The following SMURF2 variants were observed in gnomAD, a reference collection of about 807,000 sequenced individuals.
The protein encoded by SMURF2 is E3 ubiquitin-protein ligase SMURF2.
A neutral mutation model predicts 109.6 loss-of-function variants in SMURF2; 48 were observed. The observed-to-expected ratio is 0.44, with a 90% CI of 0.35 to 0.56. The LOEUF (loss-of-function observed/expected upper bound fraction) is 0.56, where lower values mean the gene tolerates loss of function less well. Among genes scored for constraint, SMURF2 ranks in the 20% least tolerant of loss-of-function variants. The pLI is 0.01. For synonymous variants in SMURF2, 288 were observed against 317.1 expected, an observed-to-expected ratio of 0.91 and a Z score of 0.97; for missense variants, 575 against 909.0, an observed-to-expected ratio of 0.63 and a Z score of 4.72.
chr17:64,638,062 CTTTTT>C (rs1195172818), intron 1 of SMURF2, among the ~76,000 whole-genome samples: 1 of 102,422 alleles, frequency 9.8e-6, no homozygotes, highest in African/African-American at 4.1e-5. Flanking sequence ...TTTCCTTTTT[CTTTTT>C]TTTTTTTTTT....
At chr17:64,587,694 A>G (rs752564721) in intron 5 of SMURF2, among the ~76,000 whole-genome samples, 9 of 152,204 alleles carry the variant, frequency 5.9e-5, no homozygotes, top group Non-Finnish European at 8.8e-5. Flanking sequence ...GAGCTCCTTG[A>G]TATTAAGTCC....
At chr17:64,565,473 T>C (rs1555684867) in intron 10 of SMURF2, among the ~76,000 whole-genome samples, 1 of 152,198 alleles carries the variant, frequency 6.6e-6, no homozygotes, top group Non-Finnish European at 1.5e-5. Context: ...ACTCAAATTG[T>C]AATCCCCTTG....
chr17:64,607,708 T>C (rs923192737), intron 1 of SMURF2, among the ~76,000 whole-genome samples: 1 of 150,888 alleles, frequency 6.6e-6, no homozygotes, highest in Non-Finnish European at 1.5e-5. Flanking sequence ...CAGTGGCTCA[T>C]GTCTGTAATC....
intron 1 of SMURF2, among the ~76,000 whole-genome samples, chr17:64,646,375 T>C (rs1399292556): frequency 1.3e-5 from 2 of 148,682 alleles, no homozygotes; most frequent in African/African-American, 5.0e-5. Flanking sequence ...CTTTTTTTTT[T>C]TCTTTCTTTT....
intron 5 of SMURF2, among the ~76,000 whole-genome samples, chr17:64,588,879 TC>T (rs1194202380): frequency 6.6e-6 from 1 of 152,160 alleles, no homozygotes; most frequent in Non-Finnish European, 1.5e-5. Context: ...CACCTTGGCC[TC>T]CCAAAGTGCT....
intron 1 of SMURF2, among the ~76,000 whole-genome samples, chr17:64,622,114 AAGC>A (rs1425705331): frequency 6.6e-6 from 1 of 150,654 alleles, no homozygotes; most frequent in African/African-American, 2.4e-5. Context: ...TAAAAATAAA[AAGC>A]AGTATAATTT....
intron 3 of SMURF2, among the ~76,000 whole-genome samples, chr17:64,594,715 G>A (rs1471321487): frequency 1.3e-5 from 2 of 152,118 alleles, no homozygotes; most frequent in African/African-American, 4.8e-5. Flanking sequence ...GGCCGGGCGC[G>A]GTGGCTCACG....
chr17:64,559,840 T>C (rs1217739532), intron 12 of SMURF2, among the ~76,000 whole-genome samples: 2 of 151,176 alleles, frequency 1.3e-5, no homozygotes, highest in Admixed American at 6.6e-5. Flanking sequence ...CTTTGCCTCC[T>C]GGGTTCAAGT....
At position 64,602,710 on chromosome 17, in the gene SMURF2, C is replaced by T. The variant is rs144850406; in HGVS notation, c.91+3892G>A. ...TTGGGAGGCCGAAGTGGGTGGATCA[C>T]GAGGTCACGAGTTCAAGACCATCCT... On this transcript the variant is annotated intron_variant, in intron 2 of 18. Coordinates refer to ENST00000262435, the MANE Select transcript of SMURF2 (RefSeq NM_022739.4). Among the ~76,000 whole-genome samples, 345 of 152,170 alleles carry T rather than the reference C, an allele frequency of 2.3e-3. 2 individuals are homozygous for T. Among genetic ancestry groups the T allele is most frequent in the Non-Finnish European group, 4.0e-3 (269 of 67,990 alleles).
At chr17:64,561,682 C>T in intron 11 of SMURF2, 79 bp from the exon 12 acceptor site, 2 of 1,098,122 alleles carry the variant, frequency 1.8e-6, no homozygotes, top group East Asian at 2.6e-5. Context: ...GCCAATCCAT[C>T]CAAAAAACTC....
At position 64,557,617 on chromosome 17, in the gene SMURF2, T is replaced by G. The variant is rs145245494; in HGVS notation, c.1422A>C (p.Ala474=). Reference sequence around the variant, plus strand: ...TAACTTCAAATCATACCGGATTAACTGCAGAATCAGGATTGATCTGCAATG... The same window carrying G: ...TAACTTCAAATCATACCGGATTAACGGCAGAATCAGGATTGATCTGCAATG... The part of the protein sequence containing the change: ...IYTLQINPDS[A]VNPEHLSYFH... The change falls in exon 13 of 19, where the codon GCA becomes GCC. Residue 474 remains alanine, a synonymous_variant. Transcript: ENST00000262435. The G allele has an allele frequency of 1.4e-5, 22 of 1,589,004 alleles. No homozygotes were observed. The African/African-American group carries it at 2.8e-4, about 20-fold the overall frequency.
intron 1 of SMURF2, among the ~76,000 whole-genome samples, chr17:64,650,846 A>G (rs1372923712): frequency 6.7e-6 from 1 of 150,058 alleles, no homozygotes; most frequent in Non-Finnish European, 1.5e-5. Flanking sequence ...TATATCTTAC[A>G]TAGAAAATGA....
intron 1 of SMURF2, among the ~76,000 whole-genome samples, chr17:64,615,066 G>A (rs993282094): frequency 2.6e-5 from 4 of 152,166 alleles, no homozygotes; most frequent in Non-Finnish European, 4.4e-5. Flanking sequence ...CCAGGTAATA[G>A]TATCAGAGTA....
intron 1 of SMURF2, among the ~76,000 whole-genome samples, chr17:64,610,482 T>C (rs1370431086): frequency 6.6e-6 from 1 of 152,134 alleles, no homozygotes; most frequent in African/African-American, 2.4e-5. Flanking sequence ...CCGGAAAGCA[T>C]CATTCTCAGC....
At position 64,608,838 on chromosome 17, in the gene SMURF2, C is replaced by T. The variant is rs548036015; in HGVS notation, c.53-2198G>A. On this transcript the variant is annotated intron_variant, in intron 1 of 18. Transcript: ENST00000262435. Reference sequence around the variant, plus strand: ...GGATCTTCACAGCTGTTATACATATCCTCTATCTTGTCCCCTTTTCTAATC... The same window carrying T: ...GGATCTTCACAGCTGTTATACATATTCTCTATCTTGTCCCCTTTTCTAATC... 4.0e-4 allele frequency among the ~76,000 whole-genome samples: 61 copies of T among 152,200 alleles called. 1 individual carries two copies. Among genetic ancestry groups the T allele is most frequent in the Non-Finnish European group, 6.0e-4 (41 of 68,010 alleles).
chr17:64,593,657 A>G (rs1969779364), intron 3 of SMURF2, 84 bp from the exon 4 acceptor site: 4 of 1,184,034 alleles, frequency 3.4e-6, no homozygotes, highest in Non-Finnish European at 1.1e-6. Context: ...TTTATATTCT[A>G]AAGTTACTAA....
intron 1 of SMURF2, among the ~76,000 whole-genome samples, chr17:64,629,337 T>TA (rs1425981094): frequency 1.6e-4 from 24 of 152,000 alleles, no homozygotes; most frequent in Admixed American, 1.4e-3. Flanking sequence ...CCTGTCTCTA[T>TA]AAAAAAAATT....
At chr17:64,623,002 A>T (rs958034556) in intron 1 of SMURF2, among the ~76,000 whole-genome samples, 13 of 152,092 alleles carry the variant, frequency 8.5e-5, no homozygotes, top group African/African-American at 2.9e-4. Context: ...TATTGCTCAA[A>T]TTTTTCCAGC....
rs1021204289 is a variant in SMURF2, at chr17:64,662,013, G to A, written c.-133C>T. 29 of 1,113,424 alleles carry A rather than the reference G, an allele frequency of 2.6e-5. No homozygotes were observed. Among genetic ancestry groups the A allele is most frequent in the Admixed American group, 1.5e-4 (3 of 19,838 alleles). 69.0% of individuals were successfully genotyped at this position (1,113,424 alleles called of 1,614,324 possible). A position where few individuals can be genotyped will look rare whatever the true frequency, so the allele number is the denominator to read the frequency against. On this transcript the variant is annotated 5_prime_UTR_variant, in exon 1 of 19. Coordinates refer to ENST00000262435, the MANE Select transcript of SMURF2 (RefSeq NM_022739.4). The stretch of plus-strand genomic sequence containing the variant: ...CGGCCGCCACGGCCGGAGGGTCCCG[G>A]ATGTGCCGAGAGTCGTCGCCATGAG...
Sources: gnomAD v4.1 joint callset for allele counts (sites outside exome capture counted in the v4.1 genomes callset) on GRCh38, gnomAD v4.1.1 for gene constraint, MANE v1.5 for transcripts, NCBI Gene and HGNC (gene_info 2026-07-23, HGNC 2026-07-21) for gene names.